Variants in DLGAP2 observed in about 807,000 individuals in gnomAD.
The protein encoded by DLGAP2 is disks large-associated protein 2.
DLGAP2 carries 26 observed loss-of-function variants against 100.3 expected under a neutral mutation model. That is an observed-to-expected ratio of 0.26 (90% CI 0.19 to 0.36). The LOEUF is 0.36. Ranked by LOEUF, DLGAP2 falls within the 10% of genes least tolerant of loss-of-function variation. The probability of loss-of-function intolerance (pLI) is 1.00; values close to 1 mark genes in which losing one functional copy is unlikely to be tolerated. For missense variants in DLGAP2, 1,858 were observed against 1,453.2 expected, an observed-to-expected ratio of 1.28 and a Z score of -4.53; for synonymous variants, 886 against 630.1, an observed-to-expected ratio of 1.41 and a Z score of -6.08.
rs974601019 is a variant in DLGAP2 at position 1,417,248 on chromosome 8, G to T, written c.107-84118G>T. Among the ~76,000 whole-genome samples the T allele has an allele frequency of 5.7e-5, 8 of 139,346 alleles. No individual in the cohort carries two copies. The South Asian group carries it at 1.6e-3, about 28-fold the overall frequency. The allele number at this position is 139,346 out of a possible 152,430, so 91.4% of individuals were successfully genotyped here. A position where few individuals can be genotyped will look rare whatever the true frequency, so the allele number is the denominator to read the frequency against. On this transcript the variant is annotated intron_variant, in intron 3 of 14. Coordinates refer to ENST00000637795, the MANE Select transcript of DLGAP2 (RefSeq NM_001346810.2). ...GTCCGTTTGGCGTCTGAGGTGGGGA[G>T]ACCGGCATTCATTTAGCGTCTGAGG...
chr8:1,223,106 C>T lies in DLGAP2; in HGVS notation c.74-35745C>T, dbSNP rs186436056. 5.3e-5 allele frequency among the ~76,000 whole-genome samples: 8 copies of T among 152,246 alleles called. No homozygotes were observed. In the East Asian group the frequency reaches 5.8e-4, roughly 11 times the overall value. ...TCATTGAGTCTCCCATAGGTGGGAT[C>T]GGGGAGATCCATGTGAAGAGTGGGC... On this transcript the variant is annotated intron_variant, in intron 2 of 14. Coordinates refer to ENST00000637795, the MANE Select transcript of DLGAP2 (RefSeq NM_001346810.2).
At chr8:1,657,580 C>T (rs1367284743) in intron 8 of DLGAP2, among the ~76,000 whole-genome samples, 2 of 152,192 alleles carry the variant, frequency 1.3e-5, no homozygotes, top group Admixed American at 6.5e-5. Flanking sequence ...CCAATTTTAA[C>T]TTTAATGAGC....
At chr8:796,455 A>G (rs1257041079) in intron 1 of DLGAP2, among the ~76,000 whole-genome samples, 1 of 151,662 alleles carries the variant, frequency 6.6e-6, no homozygotes, top group South Asian at 2.1e-4. Flanking sequence ...GTTCTGTAAA[A>G]TCTTGGTAAC....
chr8:840,584 A>G (rs1796963845), intron 1 of DLGAP2, among the ~76,000 whole-genome samples: 4 of 80,858 alleles, frequency 4.9e-5, no homozygotes, highest in Admixed American at 1.3e-4. Context: ...GCACGCCTGC[A>G]CGTCTCCCCA....
At chr8:1,613,776 T>C (rs1035330254) in intron 6 of DLGAP2, among the ~76,000 whole-genome samples, 3 of 152,208 alleles carry the variant, frequency 2.0e-5, no homozygotes, top group African/African-American at 7.2e-5. Context: ...TAGGTCTCCA[T>C]TCTGAATTCA....
At chr8:1,197,458 C>T (rs1414008502) in intron 2 of DLGAP2, among the ~76,000 whole-genome samples, 10 of 152,220 alleles carry the variant, frequency 6.6e-5, no homozygotes, top group Admixed American at 6.5e-4. Flanking sequence ...CTTCATAGCC[C>T]AGGGTCAAGC....
At chr8:885,037 T>A (rs984968308) in intron 1 of DLGAP2, among the ~76,000 whole-genome samples, 2 of 152,228 alleles carry the variant, frequency 1.3e-5, no homozygotes, top group African/African-American at 4.8e-5. Context: ...TACTGTAGCC[T>A]TGTAGTATAG....
In DLGAP2 at chr8:1,423,476, C is replaced by T. The variant is rs544188522; in HGVS notation, c.107-77890C>T. On this transcript the variant is annotated intron_variant, in intron 3 of 14. Transcript: ENST00000637795. ...GACCACTGCCCTGCCATCTCCATAC[C>T]GCTCCATGCACTTCTGGCACCAGCT... 1.3e-4 allele frequency among the ~76,000 whole-genome samples: 20 copies of T among 152,346 alleles called. No individual in the cohort carries two copies. In the East Asian group the frequency reaches 1.5e-3, roughly 12 times the overall value.
chr8:1,370,058 C>T (rs1454673200), intron 3 of DLGAP2, among the ~76,000 whole-genome samples: 2 of 152,148 alleles, frequency 1.3e-5, no homozygotes, highest in Non-Finnish European at 2.9e-5. Context: ...CCCCCATTGG[C>T]CATTTCTCGG....
At chr8:1,672,944 G>A (rs545182944) in intron 10 of DLGAP2, among the ~76,000 whole-genome samples, 4 of 152,220 alleles carry the variant, frequency 2.6e-5, no homozygotes, top group Non-Finnish European at 1.5e-5. Flanking sequence ...ACTAGTGAGC[G>A]GTTCCTGCTG....
rs1797329773 is a variant in DLGAP2 at position 858,633 on chromosome 8, G to GTGTGTGATGCTGTCACCGTGGGCACA, written c.19-49254_19-49253insATGTGTGATGCTGTCACCGTGGGCAC. ...TGTGTGATGCTGTCACCGTGGGCAC[G>GTGTGTGATGCTGTCACCGTGGGCACA]TGTGTGATGCTGTCACCGTGGGCAC... On this transcript the variant is annotated intron_variant, in intron 1 of 14. Coordinates refer to ENST00000637795, the MANE Select transcript of DLGAP2 (RefSeq NM_001346810.2). Among the ~76,000 whole-genome samples, 8 of 146,476 alleles carry GTGTGTGATGCTGTCACCGTGGGCACA rather than the reference G, an allele frequency of 5.5e-5. 4 individuals are homozygous for GTGTGTGATGCTGTCACCGTGGGCACA. The highest frequency in any genetic ancestry group is 6.0e-5 in the Non-Finnish European group (4 of 66,364).
At chr8:1,699,942 C>G (rs920162561) in intron 14 of DLGAP2, among the ~76,000 whole-genome samples, 8 of 152,180 alleles carry the variant, frequency 5.3e-5, no homozygotes, top group Admixed American at 4.6e-4. Context: ...TCTTGGCATC[C>G]CCTGAACTAT....
At chr8:873,755 T>C (rs913843410) in intron 1 of DLGAP2, among the ~76,000 whole-genome samples, 1 of 152,206 alleles carries the variant, frequency 6.6e-6, no homozygotes, top group African/African-American at 2.4e-5. Context: ...TTGTTATTAA[T>C]TGTTCTTTAA....
chr8:1,119,220 C>T (rs368345299), intron 2 of DLGAP2, among the ~76,000 whole-genome samples: 1 of 152,202 alleles, frequency 6.6e-6, no homozygotes, highest in African/African-American at 2.4e-5. Flanking sequence ...CAGAATAAGA[C>T]GTAAATTTTA....
rs151148171 is a variant in DLGAP2, at chr8:1,041,961, A to T, written c.73+133995A>T. On this transcript the variant is annotated intron_variant, in intron 2 of 14. Coordinates refer to ENST00000637795, the MANE Select transcript of DLGAP2 (RefSeq NM_001346810.2). ...CTCTCTCTTTCTCCCCGGCTGTTTC[A>T]GGAGCCTGCGGGGATTTCTTCTGGC... 5.7e-3 allele frequency among the ~76,000 whole-genome samples: 872 copies of T among 152,278 alleles called. 9 individuals carry two copies. Among genetic ancestry groups the T allele is most frequent in the African/African-American group, 0.02 (812 of 41,564 alleles).
chr8:1,282,610 G>A (rs1194045689), intron 3 of DLGAP2, among the ~76,000 whole-genome samples: 3 of 102,554 alleles, frequency 2.9e-5, no homozygotes, highest in African/African-American at 4.0e-5. Context: ...AACCCAGCAC[G>A]TGAACCATCC....
rs898578689 is a variant in DLGAP2 at position 1,691,541 on chromosome 8, G to A, written c.2711G>A (p.Gly904Asp). ...TTGTTTTTGTTTTAAACAGTTCTCG[G>A]TAAAATCAGGAGTGCTGTTGGGAGT... Reference protein sequence around the residue: ...EENDLSEEILGKIRSAVGSAQ... With the variant: ...EENDLSEEILDKIRSAVGSAQ... The change falls in exon 13 of 15, where the codon GGT becomes GAT. Residue 904 changes from glycine (G) to aspartate (D), a missense_variant. Coordinates refer to ENST00000637795, the MANE Select transcript of DLGAP2 (RefSeq NM_001346810.2). 6.2e-7 allele frequency: 1 copy of A among 1,613,314 alleles called. No individual in the cohort carries two copies. Among genetic ancestry groups the A allele is most frequent in the Non-Finnish European group, 8.5e-7 (1 of 1,179,776 alleles).
Position 1,076,354 on chromosome 8 carries a change from G to A in DLGAP2, c.73+168388G>A, listed in dbSNP as rs78974586. Among the ~76,000 whole-genome samples the A allele has an allele frequency of 9.4e-3, 1,427 of 152,346 alleles. 24 individuals carry two copies. The highest frequency in any genetic ancestry group is 0.032 in the African/African-American group (1,310 of 41,586). Reference sequence around the variant, plus strand: ...TGAGCTGCAAGTCCCAGCTCACTACGTGGCAGTGAGTCGCAGCTCCCCGTC... The same window carrying A: ...TGAGCTGCAAGTCCCAGCTCACTACATGGCAGTGAGTCGCAGCTCCCCGTC... On this transcript the variant is annotated intron_variant, in intron 2 of 14. Transcript: ENST00000637795.
chr8:1,424,299 A>C (rs145914473), intron 3 of DLGAP2, among the ~76,000 whole-genome samples: 1 of 152,260 alleles, frequency 6.6e-6, no homozygotes, highest in Admixed American at 6.5e-5. Flanking sequence ...ATCTAAAGAC[A>C]ACAGAGACTT....
Sources: gnomAD v4.1 joint callset for allele counts (sites outside exome capture counted in the v4.1 genomes callset) on GRCh38, gnomAD v4.1.1 for gene constraint, MANE v1.5 for transcripts, NCBI Gene and HGNC (gene_info 2026-07-23, HGNC 2026-07-21) for gene names.